Variants in EXOC4 observed in about 807,000 individuals in gnomAD.
EXOC4 encodes the protein SEC8-like 1.
Under a neutral mutation model 107.2 loss-of-function variants are expected in EXOC4, and 71 were observed. That is an observed-to-expected ratio of 0.66 (90% CI 0.55 to 0.81). EXOC4 has a LOEUF of 0.81. Ranked by LOEUF, EXOC4 falls within the 30% of genes least tolerant of loss-of-function variation. The probability of loss-of-function intolerance (pLI) is 0.00; values close to 1 mark genes in which losing one functional copy is unlikely to be tolerated. For missense variants in EXOC4, 1,108 were observed against 1,189.6 expected (o/e 0.93, Z 1.01); for synonymous variants, 456 against 441.2 (o/e 1.03, Z -0.42).
At chr7:133,893,140 T>A (rs2116505041) in intron 11 of EXOC4, among the ~76,000 whole-genome samples, 1 of 79,762 alleles carries the variant, frequency 1.3e-5, no homozygotes, top group Middle Eastern at 5.7e-3. Flanking sequence ...TTTAGGATAG[T>A]TAGCTCCTCT....
intron 17 of EXOC4, among the ~76,000 whole-genome samples, chr7:134,056,535 G>T (rs1795928539): frequency 6.6e-6 from 1 of 152,224 alleles, no homozygotes; most frequent in Admixed American, 6.5e-5. Flanking sequence ...AAGGAGTTGA[G>T]CAGACTTCTT....
intron 7 of EXOC4, among the ~76,000 whole-genome samples, chr7:133,391,333 G>C (rs1796848301): frequency 6.6e-6 from 1 of 152,194 alleles, no homozygotes. Context: ...ATAAACGACA[G>C]CACATTAAAT....
At chr7:133,544,058 A>G (rs867818568) in intron 9 of EXOC4, among the ~76,000 whole-genome samples, 1 of 152,270 alleles carries the variant, frequency 6.6e-6, no homozygotes, top group Middle Eastern at 3.4e-3. Flanking sequence ...TTATTATTAC[A>G]TACATATATT....
At position 133,854,418 on chromosome 7, in the gene EXOC4, A is replaced by G. The variant is rs1041724277; in HGVS notation, c.1734+36874A>G. 2.7e-5 allele frequency among the ~76,000 whole-genome samples: 4 copies of G among 149,874 alleles called. No homozygotes were observed. In the East Asian group the frequency reaches 5.9e-4, roughly 22 times the overall value. On this transcript the variant is annotated intron_variant, in intron 11 of 17. Coordinates refer to ENST00000253861, the MANE Select transcript of EXOC4 (RefSeq NM_021807.4). ...TCAGTTGTTGAAAGAGCACACACAC[A>G]CACACACACACACACACACACACAC...
intron 9 of EXOC4, among the ~76,000 whole-genome samples, chr7:133,493,002 C>T (rs1458045719): frequency 6.6e-6 from 1 of 151,950 alleles, no homozygotes; most frequent in Non-Finnish European, 1.5e-5. Flanking sequence ...GGCTTACTAC[C>T]TAGGTGACTT....
At chr7:133,628,655 A>G (rs959608039) in intron 9 of EXOC4, among the ~76,000 whole-genome samples, 2 of 152,168 alleles carry the variant, frequency 1.3e-5, no homozygotes, top group Non-Finnish European at 2.9e-5. Context: ...TGAAATTAGG[A>G]TGTATCTGAA....
At chr7:133,879,401 G>T (rs905587204) in intron 11 of EXOC4, among the ~76,000 whole-genome samples, 4 of 152,060 alleles carry the variant, frequency 2.6e-5, no homozygotes, top group African/African-American at 7.2e-5. Context: ...GCCTTATTTT[G>T]TAATTATGTT....
chr7:133,695,141 A>G (rs552597490), intron 10 of EXOC4, among the ~76,000 whole-genome samples: 68 of 151,332 alleles, frequency 4.5e-4, no homozygotes, highest in Non-Finnish European at 9.1e-4. Flanking sequence ...CTTTCTAACT[A>G]TGGTAATCAA....
At chr7:133,337,844 C>T (rs1795555033) in intron 5 of EXOC4, among the ~76,000 whole-genome samples, 1 of 151,822 alleles carries the variant, frequency 6.6e-6, no homozygotes, top group Admixed American at 6.6e-5. Flanking sequence ...ATTTCCTAGG[C>T]TGGTCTCAAA....
chr7:133,571,678 G>GC (rs1404264509), intron 9 of EXOC4, among the ~76,000 whole-genome samples: 3 of 94,038 alleles, frequency 3.2e-5, no homozygotes, highest in South Asian at 3.2e-4. Context: ...TTGCCTCAAA[G>GC]CAAAAAAAAA....
intron 12 of EXOC4, among the ~76,000 whole-genome samples, chr7:133,910,999 C>T (rs1428676658): frequency 6.6e-6 from 1 of 152,110 alleles, no homozygotes; most frequent in Non-Finnish European, 1.5e-5. Context: ...CAGAGCCAGG[C>T]GACACCAGCA....
rs35715979 is a variant in EXOC4, at chr7:133,923,128, CT to C, written c.2027+5409del. The stretch of plus-strand genomic sequence containing the variant: ...TCCAAAGTGGTGGTAAGAGTTTACA[CT>C]TTTTTTTTTTTTTTTTTTGAGACAG... On this transcript the variant is annotated intron_variant, in intron 13 of 17. Coordinates refer to ENST00000253861, the MANE Select transcript of EXOC4 (RefSeq NM_021807.4). Among the ~76,000 whole-genome samples, 380 of 126,510 alleles carry C rather than the reference CT, an allele frequency of 3.0e-3. 1 individual carries two copies. The highest frequency in any genetic ancestry group is 0.01 in the East Asian group (43 of 4,298). 83.0% of individuals were successfully genotyped at this position (126,510 alleles called of 152,430 possible).
chr7:133,919,993 A>T (rs1799902704), intron 13 of EXOC4, among the ~76,000 whole-genome samples: 1 of 152,226 alleles, frequency 6.6e-6, no homozygotes, highest in East Asian at 1.9e-4. Flanking sequence ...GTATCATTTC[A>T]CATTCCTACC....
intron 7 of EXOC4, among the ~76,000 whole-genome samples, chr7:133,379,203 A>G (rs1416179663): frequency 6.6e-6 from 1 of 151,982 alleles, no homozygotes; most frequent in Non-Finnish European, 1.5e-5. Context: ...TGCTGTCTAT[A>G]TTCTTGTTTT....
intron 10 of EXOC4, among the ~76,000 whole-genome samples, chr7:133,760,711 A>T (rs138978157): frequency 2.0e-5 from 3 of 151,470 alleles, no homozygotes; most frequent in Admixed American, 1.3e-4. Context: ...TGTTTTCACT[A>T]TATTATAAAA....
intron 9 of EXOC4, among the ~76,000 whole-genome samples, chr7:133,622,874 A>T (rs927411994): frequency 6.6e-6 from 1 of 152,194 alleles, no homozygotes; most frequent in Non-Finnish European, 1.5e-5. Flanking sequence ...AGCACATTGT[A>T]GGATATATAG....
chr7:133,261,616 C>T (rs1795154725), intron 1 of EXOC4, among the ~76,000 whole-genome samples: 1 of 152,004 alleles, frequency 6.6e-6, no homozygotes, highest in African/African-American at 2.4e-5. Context: ...TTTTGTATTC[C>T]ACTATTCTTG....
intron 9 of EXOC4, among the ~76,000 whole-genome samples, chr7:133,538,884 G>A (rs59438471): frequency 1.5e-3 from 73 of 50,210 alleles, no homozygotes; most frequent in Middle Eastern, 0.01. Context: ...AGAGAGAGAG[G>A]GAGGGAGGGA....
chr7:133,886,998 T>G (rs1799099659), intron 11 of EXOC4, among the ~76,000 whole-genome samples: 1 of 152,174 alleles, frequency 6.6e-6, no homozygotes, highest in African/African-American at 2.4e-5. Context: ...ACCAACTGAA[T>G]AGCTGGAAAA....
Sources: allele counts gnomAD v4.1 joint callset (sites outside exome capture counted in the v4.1 genomes callset), GRCh38; gene constraint gnomAD v4.1.1; transcripts MANE v1.5; gene names NCBI Gene and HGNC (gene_info 2026-07-23, HGNC 2026-07-21).